Variants in SEC24A observed in about 807,000 individuals in gnomAD.
SEC24A encodes the protein protein transport protein Sec24A.
In SEC24A, 93 loss-of-function variants were observed where a neutral mutation model predicts 129.4. That is an observed-to-expected ratio of 0.72 (90% CI 0.61 to 0.85). The LOEUF (loss-of-function observed/expected upper bound fraction) is 0.85. Ranked by LOEUF, SEC24A falls within the 40% of genes least tolerant of loss-of-function variation. The pLI, the probability that SEC24A is intolerant of heterozygous loss-of-function variation, is 0.00. For synonymous variants in SEC24A, 460 were observed against 467.3 expected, an observed-to-expected ratio of 0.98 and a Z score of 0.20; for missense variants, 1,264 against 1,307.4, an observed-to-expected ratio of 0.97 and a Z score of 0.51.
intron 11 of SEC24A, among the ~76,000 whole-genome samples, chr5:134,690,462 C>T (rs544125523): frequency 5.9e-5 from 9 of 151,298 alleles, no homozygotes; most frequent in East Asian, 3.9e-4. Flanking sequence ...TACAGGCACA[C>T]GCTACCACGC....
At chr5:134,720,107 C>G (rs955759081) in intron 20 of SEC24A, among the ~76,000 whole-genome samples, 1 of 152,210 alleles carries the variant, frequency 6.6e-6, no homozygotes, top group Non-Finnish European at 1.5e-5. Flanking sequence ...AAGTTTATAG[C>G]AGTGTCCAGT....
At chr5:134,678,841 A>G (rs1751161342) in intron 7 of SEC24A, among the ~76,000 whole-genome samples, 1 of 151,902 alleles carries the variant, frequency 6.6e-6, no homozygotes, top group South Asian at 2.1e-4. Flanking sequence ...TGGCCTCCCA[A>G]AGTGCTGGGA....
In SEC24A at chr5:134,703,914, T is replaced by C. The variant is rs368233839; in HGVS notation, c.2422T>C (p.Leu808=). Residue 808 remains leucine, a synonymous_variant, in exon 16 of 23, where the codon TTG becomes CTG. Transcript: ENST00000398844. The stretch of plus-strand genomic sequence containing the variant: ...GTTGGTTTCTTTTCAGTCAGCACTC[T>C]TGTATACATCCAGCAAAGGTAAATT... The part of the protein sequence containing the change: ...TQLVSFQSAL[L]YTSSKGERRI... 6.3e-7 allele frequency: 1 copy of C among 1,583,036 alleles called. No homozygotes were observed. Among genetic ancestry groups the C allele is most frequent in the Non-Finnish European group, 8.6e-7 (1 of 1,159,642 alleles).
rs551232065 is a variant in SEC24A at position 134,705,399 on chromosome 5, C to T, written c.2513C>T (p.Ala838Val). 6.8e-6 allele frequency: 11 copies of T among 1,612,956 alleles called. No homozygotes were observed. In the South Asian group the frequency reaches 1.2e-4, roughly 18 times the overall value. The change falls in exon 17 of 23, where the codon GCT (alanine) becomes GTT (valine). Residue 838 changes from alanine to valine, a missense_variant. Transcript: ENST00000398844. ...VSTLNDVFLG[A>V]DVQAISGLLA... ...ACTCTGAATGATGTCTTTCTTGGAG[C>T]TGATGTTCAAGCAATTTCAGGGTTA...
In SEC24A at chr5:134,688,273, A is replaced by G. The variant is rs201406828; in HGVS notation, c.1697A>G (p.Gln566Arg). The change falls in exon 11 of 23, where the codon CAG (glutamine) becomes CGG (arginine). Residue 566 changes from glutamine (Q) to arginine (R), a missense_variant. By Grantham distance (43) the Gln-to-Arg change is conservative. Coordinates refer to ENST00000398844, the MANE Select transcript of SEC24A (RefSeq NM_021982.3). ...YGLQESLSQPQMLIVSDIEDV... is the reference protein window; with the variant it reads ...YGLQESLSQPRMLIVSDIEDV... ...CTTCAGGAAAGTCTCTCTCAACCTC[A>G]GATGCTAATAGTTTCAGATATTGAA... The G allele has an allele frequency of 2.3e-4, 372 of 1,591,710 alleles. No homozygotes were observed. The highest frequency in any genetic ancestry group is 3.1e-4 in the Non-Finnish European group (356 of 1,159,910).
intron 19 of SEC24A, among the ~76,000 whole-genome samples, chr5:134,717,645 G>A (rs551995683): frequency 6.6e-6 from 1 of 152,228 alleles, no homozygotes; most frequent in African/African-American, 2.4e-5. Context: ...TTGGCCGGGT[G>A]CGGTAGCTCA....
At chr5:134,676,638 T>C (rs1241969460) in intron 7 of SEC24A, among the ~76,000 whole-genome samples, 2 of 152,054 alleles carry the variant, frequency 1.3e-5, no homozygotes, top group East Asian at 3.9e-4. Flanking sequence ...GAGATGGTGT[T>C]TCACCATGTT....
At chr5:134,711,666 G>A (rs1420522253) in intron 18 of SEC24A, among the ~76,000 whole-genome samples, 9 of 149,252 alleles carry the variant, frequency 6.0e-5, no homozygotes, top group Non-Finnish European at 7.4e-5. Flanking sequence ...GAGTAGCTGC[G>A]ATTACAGGTG....
Position 134,676,003 on chromosome 5 carries a change from T to C in SEC24A, c.1152-20T>C, listed in dbSNP as rs377032406. On this transcript the variant is annotated intron_variant, in intron 6 of 22. Transcript: ENST00000398844. ...AATAATCATAGCAGCAACTGATACATACTTTTTACTTTGATATAGGTTATT... is the reference window on the plus strand; with the variant it reads ...AATAATCATAGCAGCAACTGATACACACTTTTTACTTTGATATAGGTTATT... 56 of 1,545,438 alleles carry C rather than the reference T, an allele frequency of 3.6e-5. No individual in the cohort carries two copies. The highest frequency in any genetic ancestry group is 4.8e-5 in the Non-Finnish European group (55 of 1,137,762).
chr5:134,652,818 G>A (rs1047735006), intron 1 of SEC24A, among the ~76,000 whole-genome samples: 19 of 150,900 alleles, frequency 1.3e-4, no homozygotes, highest in Non-Finnish European at 1.5e-5. Context: ...TTTTTGAGAC[G>A]GAGTCTCACT....
chr5:134,682,505 A>G (rs1474032581), intron 9 of SEC24A, 23 bp downstream of exon 9: 2 of 1,191,060 alleles, frequency 1.7e-6, no homozygotes, highest in Non-Finnish European at 2.5e-6. Flanking sequence ...TTTTTGATAC[A>G]GTATACCCAT....
rs781589094 is a variant in SEC24A at position 134,705,518 on chromosome 5, GT to G, written c.2551+83del. 2,441 of 885,328 alleles carry G rather than the reference GT, an allele frequency of 2.8e-3. 10 individuals are homozygous for G. Among genetic ancestry groups the G allele is most frequent in the Non-Finnish European group, 3.3e-3 (1,830 of 553,410 alleles). The allele number at this position is 885,328 out of a possible 1,614,324, so 54.8% of individuals were successfully genotyped here. A position where few individuals can be genotyped will look rare whatever the true frequency, so the allele number is the denominator to read the frequency against. On this transcript the variant is annotated intron_variant, in intron 17 of 22. Coordinates refer to ENST00000398844, the MANE Select transcript of SEC24A (RefSeq NM_021982.3). The stretch of plus-strand genomic sequence containing the variant: ...AAACAGTTTTGTTTTCCTTTAAATA[GT>G]TAGCTTTATAGTTTGAATGTTTTAG...
intron 9 of SEC24A, among the ~76,000 whole-genome samples, chr5:134,685,378 AAT>A (rs1491483497): frequency 9.3e-5 from 11 of 118,010 alleles, no homozygotes; most frequent in Non-Finnish European, 1.2e-4. Context: ...AAAAAAAAAA[AAT>A]AATAATACAA....
chr5:134,676,483 G>A (rs1481419680), intron 7 of SEC24A, among the ~76,000 whole-genome samples: 4 of 130,566 alleles, frequency 3.1e-5, no homozygotes, highest in Admixed American at 9.9e-5. Flanking sequence ...TCTCACTGTC[G>A]CCCAGGCTGG....
chr5:134,710,997 A>G (rs1234444065), intron 18 of SEC24A, among the ~76,000 whole-genome samples: 3 of 152,082 alleles, frequency 2.0e-5, no homozygotes, highest in Non-Finnish European at 2.9e-5. Flanking sequence ...TTAGCAGGGC[A>G]TGGTGGCACA....
chr5:134,681,378 C>A (rs561989310), intron 8 of SEC24A, among the ~76,000 whole-genome samples: 25 of 151,708 alleles, frequency 1.6e-4, no homozygotes, highest in African/African-American at 6.0e-4. Context: ...CCAGCCTTGG[C>A]AACAAGAGCA....
In SEC24A at chr5:134,679,640, C is replaced by T. The variant is rs1015157617; in HGVS notation, c.1293C>T (p.Cys431=). The change falls in exon 8 of 23, where the codon TGC becomes TGT. Residue 431 remains cysteine, a synonymous_variant. Coordinates refer to ENST00000398844, the MANE Select transcript of SEC24A (RefSeq NM_021982.3). ...TTACCTCCAGTACAATTGTGAGATGCCGTTCATGCAGGACGTACATCAATC... is the reference window on the plus strand; with the variant it reads ...TTACCTCCAGTACAATTGTGAGATGTCGTTCATGCAGGACGTACATCAATC... ...PVVTSSTIVR[C]RSCRTYINPF... 1.9e-6 allele frequency: 3 copies of T among 1,593,314 alleles called. No individual in the cohort carries two copies. Among genetic ancestry groups the T allele is most frequent in the Non-Finnish European group, 8.6e-7 (1 of 1,165,786 alleles).
chr5:134,656,845 A>C (rs990311292), intron 1 of SEC24A, among the ~76,000 whole-genome samples: 1 of 150,194 alleles, frequency 6.7e-6, no homozygotes, highest in Non-Finnish European at 1.5e-5. Context: ...GCAATGATGC[A>C]ATGATAGCTC....
intron 11 of SEC24A, among the ~76,000 whole-genome samples, chr5:134,689,678 G>A (rs991174821): frequency 6.6e-6 from 1 of 151,728 alleles, no homozygotes; most frequent in Non-Finnish European, 1.5e-5. Context: ...GGAGAATGGC[G>A]TGAACTCGGG....
Sources: gnomAD v4.1 joint callset for allele counts (sites outside exome capture counted in the v4.1 genomes callset) on GRCh38, gnomAD v4.1.1 for gene constraint, MANE v1.5 for transcripts, NCBI Gene and HGNC (gene_info 2026-07-23, HGNC 2026-07-21) for gene names.